The following SMIM36 variants were observed in gnomAD, a reference collection of about 807,000 sequenced individuals.
SMIM36 encodes the protein small integral membrane protein 36.
At chr17:55,496,818 T>C (rs1166169564) in intron 1 of SMIM36, among the ~76,000 whole-genome samples, 2 of 152,212 alleles carry the variant, frequency 1.3e-5, no homozygotes, top group Admixed American at 6.5e-5. Flanking sequence ...TGGGCAGCTA[T>C]AAAGTTATAG....
At chr17:55,520,648 G>A in the SMIM36 span, among the ~76,000 whole-genome samples, 3 of 152,142 alleles carry the variant, frequency 2.0e-5, no homozygotes, top group Non-Finnish European at 4.4e-5. Context: ...GAGTGGGACG[G>A]CATGAGATTG....
At chr17:55,531,936 T>C in the SMIM36 span, among the ~76,000 whole-genome samples, 1 of 152,216 alleles carries the variant, frequency 6.6e-6, no homozygotes, top group Non-Finnish European at 1.5e-5. Context: ...TATTTCTCCA[T>C]TGTGTAGGAA....
the SMIM36 span, among the ~76,000 whole-genome samples, chr17:55,519,416 G>A: frequency 1.3e-5 from 2 of 152,176 alleles, no homozygotes; most frequent in African/African-American, 4.8e-5. Context: ...GTGCAATGGT[G>A]GTCCCTGTGT....
At chr17:55,458,729 G>A (rs1909078878) in intron 4 of SMIM36, among the ~76,000 whole-genome samples, 1 of 152,016 alleles carries the variant, frequency 6.6e-6, no homozygotes, top group Non-Finnish European at 1.5e-5. Context: ...AGTGGAGTCT[G>A]GCCAGGGCAG....
the SMIM36 span, among the ~76,000 whole-genome samples, chr17:55,530,213 G>A: frequency 6.0e-3 from 919 of 152,346 alleles, 8 homozygotes; most frequent in African/African-American, 0.021. Context: ...ACCCAATTTG[G>A]CTTCCAGAGA....
chr17:55,517,435 C>A, the SMIM36 span, among the ~76,000 whole-genome samples: 1 of 152,174 alleles, frequency 6.6e-6, no homozygotes, highest in Non-Finnish European at 1.5e-5. Flanking sequence ...CCTGTAGTCC[C>A]AGCTGAGGGA....
At chr17:55,505,892 A>G (rs1390178119) in intron 1 of SMIM36, among the ~76,000 whole-genome samples, 1,079 of 106,730 alleles carry the variant, frequency 0.01, 36 homozygotes, top group African/African-American at 0.057. Flanking sequence ...AGGATACAAA[A>G]TAAATGTACA....
chr17:55,482,300 A>T (rs1488737931), intron 1 of SMIM36, among the ~76,000 whole-genome samples: 1 of 152,052 alleles, frequency 6.6e-6, no homozygotes, highest in African/African-American at 2.4e-5. Flanking sequence ...CATCCACAAC[A>T]TCCTCCCCAC....
the SMIM36 span, among the ~76,000 whole-genome samples, chr17:55,516,791 C>T: frequency 1.2e-4 from 18 of 151,988 alleles, no homozygotes; most frequent in African/African-American, 4.1e-4. Flanking sequence ...AACTCCTGAC[C>T]TCAGGTGATC....
chr17:55,495,551 T>C (rs1169591507), intron 1 of SMIM36, among the ~76,000 whole-genome samples: 4 of 151,934 alleles, frequency 2.6e-5, no homozygotes, highest in African/African-American at 4.8e-5. Context: ...GCACTTTGGG[T>C]GGCCTAGGTA....
intron 1 of SMIM36, among the ~76,000 whole-genome samples, chr17:55,485,837 GT>G (rs1487339352): frequency 7.9e-5 from 12 of 152,140 alleles, no homozygotes; most frequent in African/African-American, 2.9e-4. Context: ...GCTACCCAAG[GT>G]TATATGTCAA....
At chr17:55,527,833 C>T in the SMIM36 span, 1 of 152,350 alleles carries the variant, frequency 6.6e-6, no homozygotes, top group South Asian at 2.1e-4. Flanking sequence ...GGTTTGAACA[C>T]CTTGTGTCTG....
chr17:55,504,600 C>G lies in SMIM36; in HGVS notation c.*174+6279G>C, dbSNP rs2144720797. On this transcript the variant is annotated intron_variant, in intron 1 of 4. Coordinates refer to ENST00000636752, the Ensembl canonical transcript of SMIM36. ...AGTGTGTAGAGGGAAATTTATAGCACTAAATGCCCACAAGAGAAAGCAGGA... is the reference window on the plus strand; with the variant it reads ...AGTGTGTAGAGGGAAATTTATAGCAGTAAATGCCCACAAGAGAAAGCAGGA... Among the ~76,000 whole-genome samples, 2 of 81,078 alleles carry G rather than the reference C, an allele frequency of 2.5e-5. 1 individual carries two copies. Among genetic ancestry groups the G allele is most frequent in the East Asian group, 7.2e-4 (2 of 2,780 alleles). 53.2% of individuals were successfully genotyped at this position (81,078 alleles called of 152,430 possible). A position where few individuals can be genotyped will look rare whatever the true frequency, so the allele number is the denominator to read the frequency against.
chr17:55,478,596 C>T (rs1909465819), intron 3 of SMIM36, among the ~76,000 whole-genome samples, 166 bp downstream of exon 3: 1 of 152,144 alleles, frequency 6.6e-6, no homozygotes, highest in African/African-American at 2.4e-5. Flanking sequence ...TAATAGTAGT[C>T]AAACTCAAGA....
chr17:55,490,558 T>C (rs1909684690), intron 1 of SMIM36, among the ~76,000 whole-genome samples: 1 of 151,922 alleles, frequency 6.6e-6, no homozygotes, highest in Non-Finnish European at 1.5e-5. Context: ...GGTCTCAGAG[T>C]GAGAGTGAGA....
intron 1 of SMIM36, among the ~76,000 whole-genome samples, chr17:55,501,057 T>C (rs1352996076): frequency 3.0e-5 from 2 of 66,926 alleles, no homozygotes; most frequent in Non-Finnish European, 4.9e-5. Flanking sequence ...TAATATATAA[T>C]ATATTATTAT....
chr17:55,515,932 G>C (rs549808612), upstream of SMIM36, among the ~76,000 whole-genome samples: 3 of 152,334 alleles, frequency 2.0e-5, no homozygotes, highest in East Asian at 1.9e-4. Flanking sequence ...AGCTCTTTTA[G>C]ATCCTCTTCT....
chr17:55,502,058 G>A (rs1283219461), intron 1 of SMIM36, among the ~76,000 whole-genome samples: 1 of 151,868 alleles, frequency 6.6e-6, no homozygotes, highest in Non-Finnish European at 1.5e-5. Context: ...TCCCACACCT[G>A]GCTCTGAGGG....
chr17:55,458,169 A>G (rs1391817224), intron 4 of SMIM36: 1 of 152,210 alleles, frequency 6.6e-6, no homozygotes, highest in Non-Finnish European at 1.5e-5. Context: ...GGTGTAGTTC[A>G]GCAGTAAAAC....
Sources: gnomAD v4.1 joint callset for allele counts (sites outside exome capture counted in the v4.1 genomes callset) on GRCh38, gnomAD v4.1.1 for gene constraint, MANE v1.5 for transcripts, NCBI Gene and HGNC (gene_info 2026-07-23, HGNC 2026-07-21) for gene names.